CENPO: variants seen among roughly 807,000 people sequenced by gnomAD.
The protein encoded by CENPO is centromere protein O, also known as centromeric protein O.
A neutral mutation model predicts 36.1 loss-of-function variants in CENPO; 30 were observed. That is an observed-to-expected ratio of 0.83 (90% CI 0.62 to 1.13). CENPO has a LOEUF of 1.13. CENPO is among the 50% of genes most tolerant of loss of function. The pLI is 0.00. For synonymous variants in CENPO, 171 were observed against 142.3 expected (o/e 1.20, Z -1.44); for missense variants, 349 against 357.8 (o/e 0.98, Z 0.20).
chr2:24,809,318 C>T lies in CENPO; in HGVS notation c.217-5058C>T, dbSNP rs377248852. Reference sequence around the variant, plus strand: ...ACTTTTGGCTTTGCTGATTTTCTCTCGTTCATTTGTTTTGTATTTTCATTG... The same window carrying T: ...ACTTTTGGCTTTGCTGATTTTCTCTTGTTCATTTGTTTTGTATTTTCATTG... On this transcript the variant is annotated intron_variant, in intron 3 of 7. Coordinates refer to ENST00000380834, the MANE Select transcript of CENPO (RefSeq NM_001322101.2). 6.6e-5 allele frequency among the ~76,000 whole-genome samples: 10 copies of T among 152,172 alleles called. No homozygotes were observed. In the South Asian group the frequency reaches 1.7e-3, roughly 25 times the overall value.
rs75001900 is a variant in CENPO at position 24,819,464 on chromosome 2, G to A, written c.*146G>A. On this transcript the variant is annotated 3_prime_UTR_variant, in exon 8 of 8. Transcript: ENST00000380834. ...CCTTTCAAGATGATCAGGAACACCA[G>A]GACGAGGGCCGTCTCACCTCACTCG... 1 of 153,828 alleles carries A rather than the reference G, an allele frequency of 6.5e-6. No individual in the cohort carries two copies. Among genetic ancestry groups the A allele is most frequent in the East Asian group, 1.9e-4 (1 of 5,236 alleles). 9.5% of individuals were successfully genotyped at this position (153,828 alleles called of 1,614,324 possible).
rs1470969889 is a variant in CENPO at position 24,821,776 on chromosome 2, G to A, written c.*2458G>A. ...AAGGCCTTACTTTTCCTCCCACAAA[G>A]GAGTCGCAGCCACGCTAGCTCTGAC... is the stretch of plus-strand genomic sequence containing the variant. On this transcript the variant is annotated 3_prime_UTR_variant, in exon 8 of 8. Transcript: ENST00000380834. 2 of 1,345,302 alleles carry A rather than the reference G, an allele frequency of 1.5e-6. No homozygotes were observed. The highest frequency in any genetic ancestry group is 1.5e-5 in the African/African-American group (1 of 68,524). 83.3% of individuals were successfully genotyped at this position (1,345,302 alleles called of 1,614,324 possible). A position where few individuals can be genotyped will look rare whatever the true frequency, so the allele number is the denominator to read the frequency against.
In CENPO at chr2:24,817,617, G is replaced by A. The variant is rs538896660; in HGVS notation, c.767-53G>A. ...ATGAGATTGAATATCAGTGATCCAG[G>A]CTCCGATTCCCCCAGCTGCACTGAA... On this transcript the variant is annotated intron_variant, in intron 6 of 7. Coordinates refer to ENST00000380834, the MANE Select transcript of CENPO (RefSeq NM_001322101.2). The A allele has an allele frequency of 6.8e-6, 11 of 1,609,922 alleles. No homozygotes were observed. In the South Asian group the frequency reaches 1.1e-4, roughly 16 times the overall value.
intron 3 of CENPO, among the ~76,000 whole-genome samples, chr2:24,814,173 G>A (rs1003064): frequency 0.55 from 83,578 of 152,074 alleles, 24,147 homozygotes; most frequent in Admixed American, 0.7. Context: ...GACCTGTACA[G>A]TCTCCACTTC....
intron 3 of CENPO, among the ~76,000 whole-genome samples, chr2:24,809,714 T>G (rs1207280054): frequency 6.7e-6 from 1 of 149,752 alleles, no homozygotes; most frequent in Admixed American, 6.7e-5. Context: ...GAGTATTTGG[T>G]TTTTTTTTTA....
In CENPO at chr2:24,819,914, T is replaced by C; in HGVS notation, c.*596T>C. The C allele has an allele frequency of 2.5e-6, 4 of 1,611,808 alleles. No homozygotes were observed. The highest frequency in any genetic ancestry group is 3.4e-6 in the Non-Finnish European group (4 of 1,179,220). ...AAATTCTCCCTTCCGGTTTGGACTG[T>C]TGCAGGCTCGAGGCCATTCAGGAGT... On this transcript the variant is annotated 3_prime_UTR_variant, in exon 8 of 8. Transcript: ENST00000380834.
At position 24,799,853 on chromosome 2, in the gene CENPO, A is replaced by G. The variant is rs896003556; in HGVS notation, c.216+9A>G. On this transcript the variant is annotated intron_variant, in intron 3 of 7. Transcript: ENST00000380834. ...GGCACCGGCGAGCCAGCGTGAGTAGAAGGGTGGTATCAGCAGTTCCTTTAG... is the reference window on the plus strand; with the variant it reads ...GGCACCGGCGAGCCAGCGTGAGTAGGAGGGTGGTATCAGCAGTTCCTTTAG... The G allele has an allele frequency of 2.5e-6, 4 of 1,612,364 alleles. No homozygotes were observed. The African/African-American group carries it at 5.3e-5, about 22-fold the overall frequency.
chr2:24,818,174 G>A (rs1667049117), intron 7 of CENPO, among the ~76,000 whole-genome samples: 1 of 152,068 alleles, frequency 6.6e-6, no homozygotes, highest in Non-Finnish European at 1.5e-5. Flanking sequence ...GGAAAGACCA[G>A]GCAATTAAGT....
At chr2:24,808,705 ATTTGG>A (rs1666541752) in intron 3 of CENPO, among the ~76,000 whole-genome samples, 1 of 152,134 alleles carries the variant, frequency 6.6e-6, no homozygotes, top group African/African-American at 2.4e-5. Flanking sequence ...AGTAAACCTA[ATTTGG>A]TTTGATGTAT....
Position 24,820,792 on chromosome 2 carries a change from C to T in CENPO, c.*1474C>T, listed in dbSNP as rs771218760. 5.0e-6 allele frequency: 8 copies of T among 1,614,090 alleles called. No individual in the cohort carries two copies. The highest frequency in any genetic ancestry group is 1.1e-5 in the South Asian group (1 of 91,074). ...ACATTGACTGTATTGCCCCAGATGT[C>T]GTAGTGTGGTTTCCGGGCTCCGATG... On this transcript the variant is annotated 3_prime_UTR_variant, in exon 8 of 8. Coordinates refer to ENST00000380834, the MANE Select transcript of CENPO (RefSeq NM_001322101.2).
rs1665752419 is a variant in CENPO, at chr2:24,793,877, G to T, written c.-43G>T. 6.2e-7 allele frequency: 1 copy of T among 1,614,028 alleles called. No individual in the cohort carries two copies. The highest frequency in any genetic ancestry group is 8.5e-7 in the Non-Finnish European group (1 of 1,179,956). Reference sequence around the variant, plus strand: ...CAAGGACATTGGAGTCCCTATCACCGGTTGCCTAGACAACTTCATGGGAAG... The same window carrying T: ...CAAGGACATTGGAGTCCCTATCACCTGTTGCCTAGACAACTTCATGGGAAG... On this transcript the variant is annotated 5_prime_UTR_variant, in exon 2 of 8. Transcript: ENST00000380834.
At chr2:24,798,241 G>A in intron 2 of CENPO, among the ~76,000 whole-genome samples, 1 of 150,760 alleles carries the variant, frequency 6.6e-6, no homozygotes, top group East Asian at 2.0e-4. Flanking sequence ...ATAGGCCTGT[G>A]AGTGTATGAA....
At chr2:24,799,983 A>G (rs907976665) in intron 3 of CENPO, 139 bp downstream of exon 3, 3 of 994,196 alleles carry the variant, frequency 3.0e-6, no homozygotes, top group Admixed American at 4.4e-5. Flanking sequence ...GATCCCTCAA[A>G]TGATCAAACC....
intron 7 of CENPO, among the ~76,000 whole-genome samples, chr2:24,818,425 T>TTAAG (rs1303325520): frequency 6.6e-6 from 1 of 152,172 alleles, no homozygotes; most frequent in African/African-American, 2.4e-5. Context: ...TATGAAAGCT[T>TTAAG]TAAGTAATTT....
At chr2:24,801,282 G>T (rs1666155935) in intron 3 of CENPO, among the ~76,000 whole-genome samples, 1 of 152,150 alleles carries the variant, frequency 6.6e-6, no homozygotes, top group South Asian at 2.1e-4. Flanking sequence ...TAGGTTGCCT[G>T]TTCACTCTGA....
intron 6 of CENPO, 88 bp downstream of exon 6, chr2:24,816,905 C>CTCT (rs1666959934): frequency 8.0e-7 from 1 of 1,247,198 alleles, no homozygotes; most frequent in Non-Finnish European, 1.1e-6. Flanking sequence ...TGAAGTAGAC[C>CTCT]TCTTGAGACA....
intron 3 of CENPO, among the ~76,000 whole-genome samples, chr2:24,808,799 C>T (rs1342414861): frequency 1.3e-5 from 2 of 151,912 alleles, no homozygotes; most frequent in Non-Finnish European, 2.9e-5. Context: ...ATGAGAGAGA[C>T]TGCCCTATTA....
At chr2:24,814,203 C>T (rs1040055882) in intron 3 of CENPO, among the ~76,000 whole-genome samples, 173 bp from the exon 4 acceptor site, 1 of 152,164 alleles carries the variant, frequency 6.6e-6, no homozygotes, top group African/African-American at 2.4e-5. Context: ...GCATTGTGAC[C>T]CATGAGATTC....
At chr2:24,816,397 AAC>A in intron 5 of CENPO, 1 of 414,980 alleles carries the variant, frequency 2.4e-6, no homozygotes, top group Non-Finnish European at 4.3e-6. Flanking sequence ...TTTCTGCAGA[AAC>A]AGTCTCTTGC....
Sources: allele counts gnomAD v4.1 joint callset (sites outside exome capture counted in the v4.1 genomes callset), GRCh38; gene constraint gnomAD v4.1.1; transcripts MANE v1.5; gene names NCBI Gene and HGNC (gene_info 2026-07-23, HGNC 2026-07-21).